SPOCK1: variants seen among roughly 807,000 people sequenced by gnomAD.
SPOCK1 encodes SPARC (osteonectin), cwcv and kazal like domains proteoglycan 1.
Under a neutral mutation model 55.3 loss-of-function variants are expected in SPOCK1, and 23 were observed. The observed-to-expected ratio is 0.42, with a 90% CI of 0.30 to 0.59. SPOCK1 has a LOEUF of 0.59. SPOCK1 is among the 20% of genes least tolerant of loss of function. SPOCK1 has a pLI of 0.22. For synonymous variants in SPOCK1, 226 were observed against 221.0 expected, an observed-to-expected ratio of 1.02 and a Z score of -0.20; for missense variants, 499 against 552.5, an observed-to-expected ratio of 0.90 and a Z score of 0.97.
chr5:137,069,566 T>C (rs1439988694), intron 5 of SPOCK1, among the ~76,000 whole-genome samples: 2 of 152,180 alleles, frequency 1.3e-5, no homozygotes, highest in Non-Finnish European at 2.9e-5. Context: ...TGGGATGTGC[T>C]ACAGAGAGCA....
chr5:137,253,389 T>G (rs1331373884), intron 3 of SPOCK1, among the ~76,000 whole-genome samples: 1 of 152,238 alleles, frequency 6.6e-6, no homozygotes, highest in Non-Finnish European at 1.5e-5. Flanking sequence ...TAGATATTCT[T>G]GCAAAGCTGC....
chr5:136,987,251 C>G (rs574987384), intron 8 of SPOCK1, among the ~76,000 whole-genome samples: 1 of 152,070 alleles, frequency 6.6e-6, no homozygotes, highest in East Asian at 1.9e-4. Context: ...TAAAATTTCT[C>G]CCTAACAAAA....
At chr5:137,355,972 G>A (rs1302247968) in intron 2 of SPOCK1, among the ~76,000 whole-genome samples, 1 of 152,150 alleles carries the variant, frequency 6.6e-6, no homozygotes. Flanking sequence ...CCACAGACTC[G>A]GGGAGAGGCT....
In SPOCK1 at chr5:137,267,030, G is replaced by T; in HGVS notation, c.212C>A (p.Pro71His). The T allele has an allele frequency of 6.2e-7, 1 of 1,612,890 alleles. No individual in the cohort carries two copies. Among genetic ancestry groups the T allele is most frequent in the Non-Finnish European group, 8.5e-7 (1 of 1,179,050 alleles). ...RDDDYFRNWN[P>H]NKPFDQALDP... ...ATTACCTTGGTCAAAGGGCTTGTTG[G>T]GATTCCAGTTTCTGAAATAATCATC... The change falls in exon 3 of 11, where the codon CCC becomes CAC. Residue 71 changes from proline (P) to histidine (H), a missense_variant. Coordinates refer to ENST00000394945, the MANE Select transcript of SPOCK1 (RefSeq NM_004598.4).
intron 2 of SPOCK1, among the ~76,000 whole-genome samples, chr5:137,275,542 T>C (rs1757049948): frequency 6.6e-6 from 1 of 152,100 alleles, no homozygotes; most frequent in Non-Finnish European, 1.5e-5. Flanking sequence ...CACTGGGATG[T>C]TTTAAAAGCT....
intron 2 of SPOCK1, among the ~76,000 whole-genome samples, chr5:137,327,912 C>T (rs956961831): frequency 2.0e-5 from 3 of 152,144 alleles, no homozygotes; most frequent in Non-Finnish European, 2.9e-5. Context: ...AAAAAAGCCA[C>T]AGCAAGGGGA....
intron 5 of SPOCK1, among the ~76,000 whole-genome samples, chr5:137,072,295 CTAGGAAA>C (rs1232058949): frequency 6.6e-6 from 1 of 152,140 alleles, no homozygotes; most frequent in African/African-American, 2.4e-5. Context: ...AGTTGAGAAA[CTAGGAAA>C]TAAGTTAAGG....
At chr5:137,224,253 T>C (rs1030299161) in intron 3 of SPOCK1, among the ~76,000 whole-genome samples, 1 of 152,216 alleles carries the variant, frequency 6.6e-6, no homozygotes, top group African/African-American at 2.4e-5. Context: ...AGAGAAATCA[T>C]AGGGAAATGC....
chr5:137,424,256 C>T (rs760888223), intron 2 of SPOCK1, among the ~76,000 whole-genome samples: 6 of 152,158 alleles, frequency 3.9e-5, no homozygotes, highest in Non-Finnish European at 8.8e-5. Flanking sequence ...TGGCATGCAC[C>T]TGTGGTCCTA....
At chr5:137,415,517 A>G (rs1263378317) in intron 2 of SPOCK1, among the ~76,000 whole-genome samples, 1 of 152,234 alleles carries the variant, frequency 6.6e-6, no homozygotes, top group Non-Finnish European at 1.5e-5. Context: ...CTCTCCCTCC[A>G]TTGTGAAGAA....
intron 2 of SPOCK1, chr5:137,313,516 G>A (rs1381144200): frequency 3.0e-6 from 3 of 984,868 alleles, no homozygotes; most frequent in Non-Finnish European, 3.6e-6. Flanking sequence ...AGCAGCCTCA[G>A]AAGGGATCCA....
chr5:137,185,940 G>C (rs1755060898), intron 3 of SPOCK1, among the ~76,000 whole-genome samples: 1 of 152,226 alleles, frequency 6.6e-6, no homozygotes, highest in Admixed American at 6.5e-5. Context: ...TAAGCCATGA[G>C]AAACGAAGTC....
At chr5:137,007,335 A>T (rs1161794784) in intron 6 of SPOCK1, among the ~76,000 whole-genome samples, 1 of 152,146 alleles carries the variant, frequency 6.6e-6, no homozygotes, top group Non-Finnish European at 1.5e-5. Context: ...AAAGAAAAAA[A>T]AAACCTATCA....
intron 6 of SPOCK1, among the ~76,000 whole-genome samples, chr5:137,022,935 T>C (rs1322570075): frequency 6.6e-6 from 1 of 152,172 alleles, no homozygotes; most frequent in Admixed American, 6.5e-5. Context: ...TAGTTTCACT[T>C]TTCTCTGAGT....
At chr5:137,379,806 G>A (rs1001731138) in intron 2 of SPOCK1, among the ~76,000 whole-genome samples, 4 of 152,132 alleles carry the variant, frequency 2.6e-5, no homozygotes, top group Non-Finnish European at 5.9e-5. Context: ...AAGCTGTAAG[G>A]TGAGTGGGGC....
At chr5:137,468,677 C>T (rs568393020) in intron 2 of SPOCK1, among the ~76,000 whole-genome samples, 5 of 152,272 alleles carry the variant, frequency 3.3e-5, no homozygotes, top group South Asian at 2.1e-4. Flanking sequence ...GCCGGTAACA[C>T]GTTTTTATTA....
intron 2 of SPOCK1, among the ~76,000 whole-genome samples, chr5:137,344,451 AG>A (rs972019086): frequency 3.9e-5 from 6 of 152,256 alleles, no homozygotes; most frequent in Non-Finnish European, 7.3e-5. Context: ...GAAGTGGGCT[AG>A]ATGTTCACAG....
At chr5:137,463,774 C>T (rs1321894678) in intron 2 of SPOCK1, among the ~76,000 whole-genome samples, 1 of 150,546 alleles carries the variant, frequency 6.6e-6, no homozygotes, top group East Asian at 2.0e-4. Context: ...ATGGCAAAAC[C>T]CCATCTCTAC....
intron 2 of SPOCK1, among the ~76,000 whole-genome samples, chr5:137,426,983 G>A (rs529623586): frequency 9.8e-5 from 15 of 152,292 alleles, no homozygotes; most frequent in Non-Finnish European, 2.1e-4. Context: ...CCAAGCCAAG[G>A]ACTTCATTTC....
Sources: gnomAD v4.1 joint callset for allele counts (sites outside exome capture counted in the v4.1 genomes callset) on GRCh38, gnomAD v4.1.1 for gene constraint, MANE v1.5 for transcripts, NCBI Gene and HGNC (gene_info 2026-07-23, HGNC 2026-07-21) for gene names.